RRP1: variants seen among roughly 807,000 people sequenced by gnomAD.
RRP1 encodes the protein ribosomal RNA processing 1, also known as ribosomal RNA processing protein 1 homolog A.
In RRP1, 37 loss-of-function variants were observed where a neutral mutation model predicts 54.6. The observed-to-expected ratio is 0.68, with a 90% confidence interval of 0.52 to 0.89. The LOEUF is 0.89. RRP1 is among the 40% of genes least tolerant of loss of function. The probability of loss-of-function intolerance (pLI) is 0.00; values close to 1 mark genes in which losing one functional copy is unlikely to be tolerated. For synonymous variants in RRP1, 262 were observed against 244.3 expected, an observed-to-expected ratio of 1.07 and a Z score of -0.67; for missense variants, 639 against 612.5, an observed-to-expected ratio of 1.04 and a Z score of -0.46.
intron 4 of RRP1, 94 bp from the exon 5 acceptor site, chr21:43,795,095 C>T (rs2085004524): frequency 8.1e-7 from 1 of 1,239,836 alleles, no homozygotes; most frequent in Non-Finnish European, 1.2e-6. Context: ...ACGGCCATGA[C>T]TTTATCCTGC....
At chr21:43,798,851 C>G (rs1438258735) in intron 8 of RRP1, among the ~76,000 whole-genome samples, 1 of 152,136 alleles carries the variant, frequency 6.6e-6, no homozygotes, top group Admixed American at 6.5e-5. Flanking sequence ...CCCCAGTATG[C>G]CCCAAATCAG....
intron 7 of RRP1, 69 bp downstream of exon 7, chr21:43,797,764 G>C (rs73379033): frequency 0.067 from 107,337 of 1,591,026 alleles, 4,354 homozygotes; most frequent in South Asian, 0.15. Context: ...GCTGTTGTGG[G>C]GGTGCTGCTC....
intron 5 of RRP1, 39 bp from the exon 6 acceptor site, chr21:43,797,383 A>G (rs2123414741): frequency 4.4e-6 from 7 of 1,584,068 alleles, no homozygotes; most frequent in Non-Finnish European, 6.0e-6. Context: ...CTTGGGGCTC[A>G]TCGAGGCTGC....
Position 43,789,659 on chromosome 21 carries a change from G to A in RRP1, c.30G>A (p.Glu10=). The change falls in exon 1 of 13, where the codon GAG becomes GAA. Residue 10 remains glutamate (E), a synonymous_variant. Coordinates refer to ENST00000497547, the MANE Select transcript of RRP1 (RefSeq NM_003683.6). The part of the protein sequence containing the change: MVSRVQLPP[E]IQLAQRLAGN... ...TTTCGCGCGTGCAGCTCCCGCCTGA[G>A]ATCCAGCTGGCTCAGCGCCTGGCGG... 6.3e-7 allele frequency: 1 copy of A among 1,581,256 alleles called. No homozygotes were observed. The highest frequency in any genetic ancestry group is 1.4e-5 in the African/African-American group (1 of 73,028).
At position 43,799,978 on chromosome 21, in the gene RRP1, G is replaced by A. The variant is rs187198948; in HGVS notation, c.891+329G>A. The stretch of plus-strand genomic sequence containing the variant: ...ATGGGCAGCCCCCCAGATTTCCTGC[G>A]GCCCCCTCGTTGGGGTGCTGGTGGG... On this transcript the variant is annotated intron_variant, in intron 9 of 12. Transcript: ENST00000497547. 5.4e-3 allele frequency among the ~76,000 whole-genome samples: 827 copies of A among 152,348 alleles called. 4 individuals are homozygous for A. Among genetic ancestry groups the A allele is most frequent in the Non-Finnish European group, 8.2e-3 (560 of 68,040 alleles).
chr21:43,797,749 G>A, intron 7 of RRP1, 54 bp downstream of exon 7: 4 of 1,602,412 alleles, frequency 2.5e-6, no homozygotes, highest in Non-Finnish European at 3.4e-6. Context: ...TTCTTCCATG[G>A]GGCTGCTGTT....
At chr21:43,792,525 C>G (rs1005595108) in intron 2 of RRP1, 147 bp from the exon 3 acceptor site, 1 of 755,734 alleles carries the variant, frequency 1.3e-6, no homozygotes, top group Admixed American at 2.3e-5. Context: ...AGGGGTGAAA[C>G]CTCCAGTGCA....
chr21:43,799,721 A>AG (rs2085064619), intron 9 of RRP1, 72 bp downstream of exon 9: 4 of 1,421,636 alleles, frequency 2.8e-6, no homozygotes, highest in Admixed American at 1.9e-5. Flanking sequence ...CTGGAAGAGG[A>AG]GGGGGGCGTT....
intron 12 of RRP1, among the ~76,000 whole-genome samples, 164 bp from the exon 13 acceptor site, chr21:43,803,348 A>G (rs2085112113): frequency 6.6e-6 from 1 of 152,120 alleles, no homozygotes; most frequent in African/African-American, 2.4e-5. Context: ...AGCCGTGTGG[A>G]TGGAGCTTGG....
intron 5 of RRP1, 37 bp from the exon 6 acceptor site, chr21:43,797,385 C>A: frequency 6.3e-7 from 1 of 1,584,762 alleles, no homozygotes. Context: ...TGGGGCTCAT[C>A]GAGGCTGCCT....
At position 43,791,248 on chromosome 21, in the gene RRP1, T is replaced by C; in HGVS notation, c.134-102T>C. ...GCCCCCCAGTTGCCTTTACCGTAAG[T>C]GGGACTTTGGTCTCATTCAGGCAGT... On this transcript the variant is annotated intron_variant, in intron 1 of 12. Transcript: ENST00000497547. 3 of 1,217,224 alleles carry C rather than the reference T, an allele frequency of 2.5e-6. No homozygotes were observed. In the South Asian group the frequency reaches 3.6e-5, roughly 15 times the overall value. 75.4% of individuals were successfully genotyped at this position (1,217,224 alleles called of 1,614,324 possible).
chr21:43,793,075 T>G (rs1030138719), intron 3 of RRP1: 10 of 563,252 alleles, frequency 1.8e-5, no homozygotes, highest in African/African-American at 3.8e-5. Context: ...GACTCCTCTG[T>G]TCTCTGGTGA....
Position 43,792,675 on chromosome 21 carries a change from G to T in RRP1, c.220G>T (p.Glu74Ter), listed in dbSNP as rs747889574. 1 of 1,613,968 alleles carries T rather than the reference G, an allele frequency of 6.2e-7. No homozygotes were observed. Among genetic ancestry groups the T allele is most frequent in the Non-Finnish European group, 8.5e-7 (1 of 1,179,970 alleles). ...WMQDKPLLQE[E>*]LGRTISQLVH... ...GTTTTTGTTGTTTCCTACACAGGAA[G>T]AATTAGGAAGGACTATTTCCCAGCT... The change falls in exon 3 of 13, where the codon GAA becomes TAA. Residue 74 changes from glutamate (E) to a stop codon, truncating the protein, a stop_gained. Coordinates refer to ENST00000497547, the MANE Select transcript of RRP1 (RefSeq NM_003683.6). LOFTEE classifies it high-confidence loss of function.
At chr21:43,798,240 A>G in intron 8 of RRP1, 140 bp downstream of exon 8, 2 of 719,598 alleles carry the variant, frequency 2.8e-6, no homozygotes, top group Non-Finnish European at 4.4e-6. Context: ...CTCAGCATAG[A>G]AGCCAGAGTG....
At chr21:43,793,216 A>G in intron 3 of RRP1, 103 bp from the exon 4 acceptor site, 5 of 984,266 alleles carry the variant, frequency 5.1e-6, no homozygotes, top group Non-Finnish European at 7.9e-6. Context: ...AGCATTTTTT[A>G]TCTATAGCTA....
chr21:43,801,027 G>A (rs972996283), intron 11 of RRP1, 146 bp downstream of exon 11: 3 of 887,336 alleles, frequency 3.4e-6, no homozygotes, highest in Admixed American at 1.9e-5. Flanking sequence ...CAGGGAGGCA[G>A]GGCGCAGGGT....
At chr21:43,800,747 C>A (rs1051875504) in intron 10 of RRP1, 115 bp from the exon 11 acceptor site, 2 of 1,533,960 alleles carry the variant, frequency 1.3e-6, no homozygotes, top group Non-Finnish European at 1.8e-6. Flanking sequence ...ACCCTGAGAC[C>A]GTCCCCAGCC....
chr21:43,795,636 C>T (rs2085011342), intron 5 of RRP1, among the ~76,000 whole-genome samples: 2 of 152,320 alleles, frequency 1.3e-5, no homozygotes, highest in South Asian at 2.1e-4. Flanking sequence ...ACAGCCTTGA[C>T]CTCCCGGGCT....
At position 43,803,693 on chromosome 21, in the gene RRP1, G is replaced by A; in HGVS notation, c.1305G>A (p.Arg435=). The A allele has an allele frequency of 6.4e-7, 1 of 1,554,554 alleles. No individual in the cohort carries two copies. Among genetic ancestry groups the A allele is most frequent in the East Asian group, 2.4e-5 (1 of 41,500 alleles). Residue 435 remains arginine (R), a synonymous_variant, in exon 13 of 13, where the codon AGG becomes AGA. Transcript: ENST00000497547. ...RGQRGARQRR[R]TPRPLTSARA... The stretch of plus-strand genomic sequence containing the variant: ...AGAGAGGGGCTCGCCAGAGAAGGAG[G>A]ACACCTCGGCCCCTGACCAGTGCCC...
Sources: gnomAD v4.1 joint callset for allele counts (sites outside exome capture counted in the v4.1 genomes callset) on GRCh38, gnomAD v4.1.1 for gene constraint, MANE v1.5 for transcripts, NCBI Gene and HGNC (gene_info 2026-07-23, HGNC 2026-07-21) for gene names.